Variants in SGPL1 observed in about 807,000 individuals in gnomAD.
SGPL1 encodes the protein SP-lyase 1.
Under a neutral mutation model 68.9 loss-of-function variants are expected in SGPL1, and 37 were observed. The ratio of observed to expected loss-of-function variants is 0.54; its 90% CI spans 0.41 to 0.71. SGPL1 has a LOEUF of 0.71. SGPL1 is among the 30% of genes least tolerant of loss of function. The pLI is 0.00. For synonymous variants in SGPL1, 236 were observed against 248.5 expected, an observed-to-expected ratio of 0.95 and a Z score of 0.47; for missense variants, 551 against 704.6, an observed-to-expected ratio of 0.78 and a Z score of 2.47.
At chr10:70,864,354 A>G (rs182395670) in intron 7 of SGPL1, among the ~76,000 whole-genome samples, 37 of 152,082 alleles carry the variant, frequency 2.4e-4, no homozygotes, top group South Asian at 4.1e-4. Context: ...CCACATTTGG[A>G]GTGGCATTGA....
chr10:70,854,444 T>A (rs778128164), intron 4 of SGPL1, among the ~76,000 whole-genome samples: 10 of 152,146 alleles, frequency 6.6e-5, no homozygotes, highest in Non-Finnish European at 1.3e-4. Context: ...TGAAGAGCTG[T>A]GATAATAGGT....
intron 7 of SGPL1, among the ~76,000 whole-genome samples, chr10:70,861,034 C>CTTT (rs75728471): frequency 2.2e-5 from 3 of 136,782 alleles, no homozygotes; most frequent in Admixed American, 7.3e-5. Flanking sequence ...TCTTTCTTTC[C>CTTT]TTTTTTTTTT....
chr10:70,835,735 C>CAAAAAAAAAAAAAAAA (rs66962270), intron 2 of SGPL1, among the ~76,000 whole-genome samples: 39 of 70,062 alleles, frequency 5.6e-4, no homozygotes, highest in Non-Finnish European at 7.9e-4. Flanking sequence ...GACTCCGTCT[C>CAAAAAAAAAAAAAAAA]AAAAAAAAAA....
intron 11 of SGPL1, among the ~76,000 whole-genome samples, 195 bp from the exon 12 acceptor site, chr10:70,873,154 CAG>C (rs1360533519): frequency 2.0e-5 from 3 of 152,182 alleles, no homozygotes; most frequent in Non-Finnish European, 4.4e-5. Flanking sequence ...TCATTCCTAA[CAG>C]AGAGAATTTA....
At chr10:70,864,075 T>C (rs1015167892) in intron 7 of SGPL1, among the ~76,000 whole-genome samples, 2 of 152,050 alleles carry the variant, frequency 1.3e-5, no homozygotes, top group African/African-American at 4.8e-5. Flanking sequence ...GTTTAAATTT[T>C]TTTTTTTTGA....
chr10:70,862,262 C>G (rs1251199830), intron 7 of SGPL1, among the ~76,000 whole-genome samples: 3 of 152,056 alleles, frequency 2.0e-5, no homozygotes, highest in Admixed American at 2.0e-4. Context: ...TCTGAGTGCA[C>G]CAATCGACAC....
At chr10:70,870,081 C>T in intron 9 of SGPL1, 184 bp downstream of exon 9, 2 of 500,206 alleles carry the variant, frequency 4.0e-6, no homozygotes, top group Non-Finnish European at 7.1e-6. Flanking sequence ...TTCATGAATT[C>T]TGAAAGGGAG....
At chr10:70,824,287 G>A (rs1470286738) in intron 2 of SGPL1, among the ~76,000 whole-genome samples, 1 of 152,224 alleles carries the variant, frequency 6.6e-6, no homozygotes, top group East Asian at 1.9e-4. Context: ...CTGCTTTGAT[G>A]AGAAAACTGA....
Position 70,875,521 on chromosome 10 carries a change from A to T in SGPL1, c.1418A>T (p.Asn473Ile). 3 of 1,612,014 alleles carry T rather than the reference A, an allele frequency of 1.9e-6. No homozygotes were observed. Among genetic ancestry groups the T allele is most frequent in the Non-Finnish European group, 2.5e-6 (3 of 1,178,734 alleles). Residue 473 changes from asparagine to isoleucine, a missense_variant, in exon 13 of 15, where the codon AAC becomes ATC. Asn to Ile is a moderately radical substitution (Grantham distance 149). Coordinates refer to ENST00000373202, the MANE Select transcript of SGPL1 (RefSeq NM_003901.4). Reference sequence around the variant, plus strand: ...AACCTGATGACTGCTAAGGGGTGGAACTTGAACCAGTTGCAGTTCCCACCC... The same window carrying T: ...AACCTGATGACTGCTAAGGGGTGGATCTTGAACCAGTTGCAGTTCCCACCC... ...LSNLMTAKGWNLNQLQFPPSI... is the reference protein window; with the variant it reads ...LSNLMTAKGWILNQLQFPPSI...
chr10:70,829,439 G>T (rs1025369565), intron 2 of SGPL1, among the ~76,000 whole-genome samples: 4 of 152,158 alleles, frequency 2.6e-5, no homozygotes, highest in Non-Finnish European at 5.9e-5. Flanking sequence ...GCTTATTGAA[G>T]AGAAAAGGAA....
chr10:70,836,404 C>T (rs1845628095), intron 2 of SGPL1, among the ~76,000 whole-genome samples: 1 of 152,162 alleles, frequency 6.6e-6, no homozygotes, highest in Admixed American at 6.5e-5. Context: ...CTGACTTTGC[C>T]TCTTTCTATC....
At chr10:70,866,618 C>G (rs572999273) in intron 7 of SGPL1, 1 of 152,392 alleles carries the variant, frequency 6.6e-6, no homozygotes, top group South Asian at 2.1e-4. Flanking sequence ...CCCGACTCTT[C>G]ACAGCTGGCT....
chr10:70,835,172 A>T (rs1056866882), intron 2 of SGPL1, among the ~76,000 whole-genome samples: 1 of 152,180 alleles, frequency 6.6e-6, no homozygotes, highest in Admixed American at 6.5e-5. Flanking sequence ...ATTTGAATAA[A>T]CGTTGAGTTC....
At chr10:70,848,629 T>C (rs1397181821) in intron 3 of SGPL1, among the ~76,000 whole-genome samples, 2 of 152,082 alleles carry the variant, frequency 1.3e-5, no homozygotes, top group African/African-American at 4.8e-5. Flanking sequence ...CACGCCCAGC[T>C]AATTTTTGTA....
chr10:70,872,067 A>G (rs897070422), intron 11 of SGPL1, 81 bp downstream of exon 11: 5 of 1,380,890 alleles, frequency 3.6e-6, no homozygotes, highest in Non-Finnish European at 5.0e-6. Context: ...CTTCCCCGCA[A>G]AGTATAAAAT....
intron 3 of SGPL1, 62 bp from the exon 4 acceptor site, chr10:70,851,081 C>G: frequency 7.8e-7 from 1 of 1,275,234 alleles, no homozygotes; most frequent in South Asian, 1.2e-5. Context: ...TGAATGGTTG[C>G]TATATGCCAG....
At chr10:70,872,025 T>C in intron 11 of SGPL1, 39 bp downstream of exon 11, 1 of 1,586,180 alleles carries the variant, frequency 6.3e-7, no homozygotes, top group Non-Finnish European at 8.6e-7. Flanking sequence ...CAGTTGATTA[T>C]TTTGACTATT....
chr10:70,826,249 C>G lies in SGPL1; in HGVS notation c.27+9369C>G, dbSNP rs1189830738. On this transcript the variant is annotated intron_variant, in intron 2 of 14. Coordinates refer to ENST00000373202, the MANE Select transcript of SGPL1 (RefSeq NM_003901.4). ...AACAATACAATACAATACAGTACTA[C>G]AGTACAATACAATACAATGCAATGC... 4.6e-5 allele frequency among the ~76,000 whole-genome samples: 7 copies of G among 151,664 alleles called. No individual in the cohort carries two copies. In the South Asian group the frequency reaches 1.0e-3, roughly 22 times the overall value.
intron 1 of SGPL1, 102 bp from the exon 2 acceptor site, chr10:70,816,709 A>G (rs1158869886): frequency 2.5e-5 from 20 of 806,048 alleles, no homozygotes; most frequent in Non-Finnish European, 4.0e-5. Context: ...TGAGCCTTCA[A>G]AGGAGGGAGA....
Sources: allele counts gnomAD v4.1 joint callset (sites outside exome capture counted in the v4.1 genomes callset), GRCh38; gene constraint gnomAD v4.1.1; transcripts MANE v1.5; gene names NCBI Gene and HGNC (gene_info 2026-07-23, HGNC 2026-07-21).